DNAJC1: variants seen among roughly 807,000 people sequenced by gnomAD.
DNAJC1 encodes the protein DnaJ heat shock protein family (Hsp40) member C1.
DNAJC1 carries 58 observed loss-of-function variants against 76.6 expected under a neutral mutation model. The observed-to-expected ratio is 0.76, with a 90% CI of 0.61 to 0.94. The LOEUF is 0.94. Ranked by LOEUF, DNAJC1 falls within the 40% of genes least tolerant of loss-of-function variation. The pLI is 0.00. For missense variants in DNAJC1, 689 were observed against 677.3 expected (o/e 1.02, Z -0.19); for synonymous variants, 258 against 267.9 (o/e 0.96, Z 0.36).
intron 1 of DNAJC1, among the ~76,000 whole-genome samples, chr10:21,966,907 G>A (rs1191994994): frequency 4.6e-5 from 7 of 151,510 alleles, no homozygotes; most frequent in Admixed American, 1.3e-4. Context: ...GGCTGGTCTC[G>A]AACTCCTGAC....
intron 7 of DNAJC1, among the ~76,000 whole-genome samples, chr10:21,883,172 C>G (rs544983807): frequency 6.6e-6 from 1 of 151,474 alleles, no homozygotes. Flanking sequence ...CTCACTTGAG[C>G]CCAGGAGGTG....
chr10:21,780,649 C>G (rs903957146), intron 9 of DNAJC1, among the ~76,000 whole-genome samples: 1 of 152,166 alleles, frequency 6.6e-6, no homozygotes, highest in Non-Finnish European at 1.5e-5. Flanking sequence ...ACATGCCAAA[C>G]TGTAAAGACC....
chr10:21,933,203 G>C (rs1386699422), intron 1 of DNAJC1: 1 of 152,634 alleles, frequency 6.6e-6, no homozygotes, highest in African/African-American at 2.4e-5. Context: ...GGTTGATTCA[G>C]CTGATCTGGC....
chr10:21,919,790 TA>T, intron 5 of DNAJC1, 41 bp downstream of exon 5: 1 of 1,404,806 alleles, frequency 7.1e-7, no homozygotes, highest in Non-Finnish European at 9.9e-7. Flanking sequence ...AGATGTATTT[TA>T]AAACAGCTTC....
rs1315786442 is a variant in DNAJC1, at chr10:21,929,077, T to C, written c.287A>G (p.Lys96Arg). The change falls in exon 2 of 12, where the codon AAG becomes AGG. Residue 96 changes from lysine (K) to arginine (R), a missense_variant. Physicochemically the swap from Lys to Arg is conservative, Grantham distance 26. Coordinates refer to ENST00000376980, the MANE Select transcript of DNAJC1 (RefSeq NM_022365.4). Reference protein sequence around the residue: ...RKLSLTLHPDKNKDENAETQF... With the variant: ...RKLSLTLHPDRNKDENAETQF... ...AGTTTCTGCATTTTCATCTTTATTC[T>C]TGTCTGGATGTAAAGTTAGTGAAAG... 3.1e-6 allele frequency: 5 copies of C among 1,612,462 alleles called. No individual in the cohort carries two copies. The highest frequency in any genetic ancestry group is 1.1e-5 in the South Asian group (1 of 90,822).
chr10:21,825,552 G>A (rs1268676602), intron 8 of DNAJC1, among the ~76,000 whole-genome samples: 1 of 152,122 alleles, frequency 6.6e-6, no homozygotes, highest in African/African-American at 2.4e-5. Context: ...ACCTATGAGC[G>A]GAATTGCTGG....
chr10:21,852,060 AT>A (rs1414730715), intron 8 of DNAJC1, among the ~76,000 whole-genome samples: 2 of 147,490 alleles, frequency 1.4e-5, no homozygotes, highest in African/African-American at 2.5e-5. Flanking sequence ...CTCAAAAAAA[AT>A]AAAAAATAAA....
chr10:21,966,396 T>C (rs1045727956), intron 1 of DNAJC1, among the ~76,000 whole-genome samples: 3 of 151,688 alleles, frequency 2.0e-5, no homozygotes. Flanking sequence ...ATAATTCTTG[T>C]CTGTAACAGT....
At chr10:21,845,177 T>C (rs1281139153) in intron 8 of DNAJC1, among the ~76,000 whole-genome samples, 1 of 152,092 alleles carries the variant, frequency 6.6e-6, no homozygotes, top group African/African-American at 2.4e-5. Context: ...TGTTTGTCCT[T>C]TCAAGTAGCA....
At chr10:21,989,861 G>C (rs1340427906) in intron 1 of DNAJC1, among the ~76,000 whole-genome samples, 2 of 152,090 alleles carry the variant, frequency 1.3e-5, no homozygotes, top group Non-Finnish European at 2.9e-5. Context: ...AAGCCACTAG[G>C]GAGAGGTGAA....
chr10:21,839,352 A>C (rs1352323687), intron 8 of DNAJC1, among the ~76,000 whole-genome samples: 1 of 152,222 alleles, frequency 6.6e-6, no homozygotes, highest in Non-Finnish European at 1.5e-5. Flanking sequence ...ATAGACCACT[A>C]ACAAGACTAA....
At chr10:21,918,988 C>CA (rs954620875) in intron 5 of DNAJC1, 116 bp from the exon 6 acceptor site, 45 of 665,360 alleles carry the variant, frequency 6.8e-5, no homozygotes, top group Admixed American at 1.1e-4. Flanking sequence ...GCTACTTCAA[C>CA]AAAAAAAATG....
chr10:21,812,011 G>A (rs550823506), intron 8 of DNAJC1, among the ~76,000 whole-genome samples: 2 of 151,590 alleles, frequency 1.3e-5, no homozygotes, highest in Admixed American at 6.6e-5. Context: ...TGGTGGGACT[G>A]AAATATATCT....
chr10:21,813,181 T>TCC (rs2131647616), intron 8 of DNAJC1, among the ~76,000 whole-genome samples: 1 of 14,392 alleles, frequency 6.9e-5, no homozygotes, highest in Non-Finnish European at 1.2e-4. Flanking sequence ...TCTCCCTCTC[T>TCC]CTCTCTCTCT....
intron 10 of DNAJC1, among the ~76,000 whole-genome samples, chr10:21,761,228 A>C (rs1445821536): frequency 1.3e-5 from 2 of 152,094 alleles, no homozygotes; most frequent in Non-Finnish European, 2.9e-5. Context: ...TTTCTACAGT[A>C]ATGTTTCCTC....
At chr10:21,915,994 A>G (rs1836948137) in intron 6 of DNAJC1, among the ~76,000 whole-genome samples, 1 of 152,010 alleles carries the variant, frequency 6.6e-6, no homozygotes, top group African/African-American at 2.4e-5. Flanking sequence ...TAAAAATTAA[A>G]TTAAATTAAA....
At chr10:21,772,292 T>TG (rs1164025276) in intron 9 of DNAJC1, among the ~76,000 whole-genome samples, 1 of 150,466 alleles carries the variant, frequency 6.6e-6, no homozygotes, top group East Asian at 1.9e-4. Context: ...TTTTTTTTTT[T>TG]TGAGAGCACT....
chr10:21,923,834 TC>T (rs1837077131), intron 3 of DNAJC1, among the ~76,000 whole-genome samples: 1 of 151,868 alleles, frequency 6.6e-6, no homozygotes, highest in African/African-American at 2.4e-5. Context: ...GAAAAACAAA[TC>T]TAAAATTTTT....
intron 8 of DNAJC1, among the ~76,000 whole-genome samples, chr10:21,855,929 T>C (rs925068599): frequency 1.3e-5 from 2 of 152,166 alleles, no homozygotes; most frequent in Admixed American, 6.6e-5. Context: ...ATATAACAGA[T>C]GACTTCATAA....
Sources: allele counts gnomAD v4.1 joint callset (sites outside exome capture counted in the v4.1 genomes callset), GRCh38; gene constraint gnomAD v4.1.1; transcripts MANE v1.5; gene names NCBI Gene and HGNC (gene_info 2026-07-23, HGNC 2026-07-21).